SGCZ: variants seen among roughly 807,000 people sequenced by gnomAD.
SGCZ encodes the protein sarcoglycan zeta.
SGCZ carries 40 observed loss-of-function variants against 41.3 expected under a neutral mutation model. The ratio of observed to expected loss-of-function variants is 0.97; its 90% CI spans 0.75 to 1.26. The LOEUF is 1.26. Ranked by LOEUF, SGCZ falls within the 50% of genes most tolerant of loss-of-function variation. The pLI, the probability that SGCZ is intolerant of heterozygous loss-of-function variation, is 0.00. For synonymous variants in SGCZ, 206 were observed against 137.5 expected (o/e 1.50, Z -3.49); for missense variants, 552 against 369.8 (o/e 1.49, Z -4.04).
chr8:14,534,812 C>T (rs17119719), intron 2 of SGCZ, among the ~76,000 whole-genome samples: 69,703 of 151,760 alleles, frequency 0.46, 16,024 homozygotes, highest in East Asian at 0.53. Flanking sequence ...TAGGCTGATA[C>T]TACTAATATT....
intron 3 of SGCZ, among the ~76,000 whole-genome samples, chr8:14,256,768 C>T (rs1799480564): frequency 6.6e-6 from 1 of 152,134 alleles, no homozygotes; most frequent in Admixed American, 6.5e-5. Flanking sequence ...CTATCCACAA[C>T]ACAAAATCTG....
chr8:14,167,043 G>C (rs994191982), intron 4 of SGCZ, among the ~76,000 whole-genome samples: 10 of 152,028 alleles, frequency 6.6e-5, no homozygotes, highest in African/African-American at 2.2e-4. Context: ...GCAATGCATT[G>C]ATAGTACATA....
chr8:14,770,145 C>T (rs930381453), intron 1 of SGCZ, among the ~76,000 whole-genome samples: 2 of 85,744 alleles, frequency 2.3e-5, no homozygotes, highest in African/African-American at 1.4e-4. Flanking sequence ...CTATTATATA[C>T]ATAATATATT....
intron 1 of SGCZ, among the ~76,000 whole-genome samples, chr8:14,968,362 A>T (rs1801186086): frequency 6.6e-6 from 1 of 152,158 alleles, no homozygotes; most frequent in South Asian, 2.1e-4. Flanking sequence ...ACTAACATAG[A>T]TCTACAGAGC....
chr8:15,232,493 A>C (rs1801975458), intron 1 of SGCZ, among the ~76,000 whole-genome samples: 1 of 151,928 alleles, frequency 6.6e-6, no homozygotes, highest in African/African-American at 2.4e-5. Context: ...ATTTTTCTTA[A>C]TTCTTTTTCC....
intron 1 of SGCZ, among the ~76,000 whole-genome samples, chr8:15,101,006 G>C (rs1392618298): frequency 2.0e-5 from 3 of 151,690 alleles, no homozygotes; most frequent in African/African-American, 4.8e-5. Context: ...TACCCAACTT[G>C]TTTACCATTT....
intron 1 of SGCZ, among the ~76,000 whole-genome samples, chr8:14,621,715 CTCAG>C (rs915533797): frequency 4.0e-5 from 6 of 151,888 alleles, no homozygotes; most frequent in Non-Finnish European, 8.8e-5. Context: ...CTCTTAAACA[CTCAG>C]TCAGTATCAG....
intron 2 of SGCZ, among the ~76,000 whole-genome samples, chr8:14,333,697 A>G (rs980999449): frequency 6.6e-6 from 1 of 152,140 alleles, no homozygotes; most frequent in African/African-American, 2.4e-5. Context: ...CTCCCCTCAC[A>G]TAACCCACCT....
chr8:14,852,059 T>G (rs2130656140), intron 1 of SGCZ, among the ~76,000 whole-genome samples: 1 of 152,318 alleles, frequency 6.6e-6, no homozygotes, highest in Middle Eastern at 3.4e-3. Context: ...TTCCATTGTT[T>G]TCATTTTTTA....
At chr8:14,791,581 C>A (rs754234131) in intron 1 of SGCZ, among the ~76,000 whole-genome samples, 70 of 152,330 alleles carry the variant, frequency 4.6e-4, no homozygotes, top group Non-Finnish European at 9.3e-4. Flanking sequence ...GTCACCCACT[C>A]CCAAACCCAT....
intron 1 of SGCZ, among the ~76,000 whole-genome samples, chr8:14,687,951 G>C (rs1205495661): frequency 2.0e-5 from 3 of 152,120 alleles, no homozygotes; most frequent in African/African-American, 4.8e-5. Flanking sequence ...GACTGTAATG[G>C]TGAGCATTTT....
intron 1 of SGCZ, among the ~76,000 whole-genome samples, chr8:15,220,339 G>C (rs1012732785): frequency 6.6e-6 from 1 of 152,042 alleles, no homozygotes; most frequent in Non-Finnish European, 1.5e-5. Flanking sequence ...AAGAATCAGA[G>C]ACATAATAGT....
intron 1 of SGCZ, among the ~76,000 whole-genome samples, chr8:14,749,108 T>C (rs2130309855): frequency 6.6e-6 from 1 of 152,124 alleles, no homozygotes; most frequent in Non-Finnish European, 1.5e-5. Context: ...CTATTCATAT[T>C]AAGTAATATT....
At chr8:14,893,728 A>G (rs1258709632) in intron 1 of SGCZ, among the ~76,000 whole-genome samples, 1 of 152,204 alleles carries the variant, frequency 6.6e-6, no homozygotes, top group Non-Finnish European at 1.5e-5. Context: ...GAAAAATATA[A>G]TAACTTGCCT....
intron 3 of SGCZ, among the ~76,000 whole-genome samples, chr8:14,258,624 G>A (rs974891837): frequency 4.2e-4 from 64 of 151,982 alleles, no homozygotes; most frequent in Admixed American, 4.2e-3. Context: ...TTGTGATACT[G>A]AGCTCTTATG....
In SGCZ at chr8:14,085,700, A is replaced by C. The variant is rs1025234000; in HGVS notation, c.*4743T>G. ...GATACGGTCTTTGCATATAGGTTTT[A>C]TGAATACCAAGGAGTTTGTTATGCA... On this transcript the variant is annotated 3_prime_UTR_variant, in exon 8 of 8. Transcript: ENST00000382080. 6.6e-6 allele frequency among the ~76,000 whole-genome samples: 1 copy of C among 151,778 alleles called. No individual in the cohort carries two copies. Among genetic ancestry groups the C allele is most frequent in the Non-Finnish European group, 1.5e-5 (1 of 67,784 alleles).
At chr8:14,098,909 A>T (rs879398503) in intron 7 of SGCZ, among the ~76,000 whole-genome samples, 2 of 152,122 alleles carry the variant, frequency 1.3e-5, no homozygotes, top group Non-Finnish European at 2.9e-5. Context: ...CATAGCCATA[A>T]TGGTGTTCTC....
intron 1 of SGCZ, among the ~76,000 whole-genome samples, chr8:15,075,253 G>A (rs565431686): frequency 9.9e-5 from 15 of 151,700 alleles, no homozygotes; most frequent in African/African-American, 2.2e-4. Flanking sequence ...TATCATTCCC[G>A]CTTAGGGTTA....
At chr8:14,379,877 G>C (rs1219389300) in intron 2 of SGCZ, among the ~76,000 whole-genome samples, 2 of 151,948 alleles carry the variant, frequency 1.3e-5, no homozygotes, top group South Asian at 2.1e-4. Flanking sequence ...GATTACAAGA[G>C]TGTGCCACCA....
Sources: gnomAD v4.1 joint callset for allele counts (sites outside exome capture counted in the v4.1 genomes callset) on GRCh38, gnomAD v4.1.1 for gene constraint, MANE v1.5 for transcripts, NCBI Gene and HGNC (gene_info 2026-07-23, HGNC 2026-07-21) for gene names.